The following BAIAP2L2 variants were observed in gnomAD, a reference collection of about 807,000 sequenced individuals.
BAIAP2L2 encodes BAR/IMD domain containing adaptor protein 2 like 2.
A neutral mutation model predicts 60.4 loss-of-function variants in BAIAP2L2; 65 were observed. The ratio of observed to expected loss-of-function variants is 1.08; its 90% CI spans 0.88 to 1.32. The LOEUF (loss-of-function observed/expected upper bound fraction) is 1.32. Ranked by LOEUF, BAIAP2L2 falls within the 40% of genes most tolerant of loss-of-function variation. BAIAP2L2 has a pLI of 0.00. For missense variants in BAIAP2L2, 836 were observed against 741.2 expected, an observed-to-expected ratio of 1.13 and a Z score of -1.48; for synonymous variants, 344 against 301.7, an observed-to-expected ratio of 1.14 and a Z score of -1.45.
chr22:38,096,975 C>T, intron 7 of BAIAP2L2, 57 bp downstream of exon 7: 2 of 1,561,078 alleles, frequency 1.3e-6, no homozygotes, highest in South Asian at 2.3e-5. Flanking sequence ...TGTACGGCCA[C>T]TCAGGAGGGG....
At chr22:38,102,762 G>T (rs1043051163) in intron 4 of BAIAP2L2, among the ~76,000 whole-genome samples, 2 of 152,018 alleles carry the variant, frequency 1.3e-5, no homozygotes, top group Admixed American at 6.6e-5. Context: ...AGGCACGGCC[G>T]GGTGCGGTGG....
At chr22:38,109,083 G>GGGGCCA in intron 2 of BAIAP2L2, 50 bp downstream of exon 2, 1 of 1,209,620 alleles carries the variant, frequency 8.3e-7, no homozygotes, top group Non-Finnish European at 1.1e-6. Context: ...GGGTGGGTGG[G>GGGGCCA]AACAGCAGAG....
chr22:38,095,522 G>T (rs1325449198), intron 7 of BAIAP2L2, among the ~76,000 whole-genome samples: 1 of 152,012 alleles, frequency 6.6e-6, no homozygotes, highest in Non-Finnish European at 1.5e-5. Flanking sequence ...CTGCCACCAC[G>T]CCCAGCTAAT....
Position 38,089,554 on chromosome 22 carries a change from A to AG in BAIAP2L2, c.732dup (p.Ser245LeufsTer188), listed in dbSNP as rs1235469062. On this transcript the variant is annotated frameshift_variant, in exon 8 of 14. Coordinates refer to ENST00000381669, the MANE Select transcript of BAIAP2L2 (RefSeq NM_025045.6). LOFTEE classifies it high-confidence loss of function. The stretch of plus-strand genomic sequence containing the variant: ...AGGCAGGTGGGCGTCAGGCGGCCCG[A>AG]GGGGTAGGGCGGCCCCAGCGCGGGG... 10 of 1,224,498 alleles carry AG rather than the reference A, an allele frequency of 8.2e-6. No individual in the cohort carries two copies. The highest frequency in any genetic ancestry group is 1.0e-5 in the Non-Finnish European group (10 of 984,828). 75.9% of individuals were successfully genotyped at this position (1,224,498 alleles called of 1,614,324 possible).
intron 7 of BAIAP2L2, among the ~76,000 whole-genome samples, chr22:38,094,225 G>C (rs559446755): frequency 3.9e-5 from 6 of 152,160 alleles, no homozygotes; most frequent in African/African-American, 1.4e-4. Flanking sequence ...TTTCGCTCTT[G>C]TCCAGGCCGG....
At chr22:38,109,653 C>T (rs920133092) in intron 1 of BAIAP2L2, among the ~76,000 whole-genome samples, 6 of 152,070 alleles carry the variant, frequency 3.9e-5, no homozygotes, top group Non-Finnish European at 7.4e-5. Context: ...CAGCTCTCGC[C>T]CTCCTCCGAG....
chr22:38,085,381 G>A lies in BAIAP2L2; in HGVS notation c.1515-6C>T, dbSNP rs770463205. The A allele has an allele frequency of 9.3e-6, 15 of 1,613,000 alleles. No homozygotes were observed. The East Asian group carries it at 2.7e-4, about 29-fold the overall frequency. On this transcript the variant is annotated splice_region_variant and splice_polypyrimidine_tract_variant and intron_variant, in intron 13 of 13. Coordinates refer to ENST00000381669, the MANE Select transcript of BAIAP2L2 (RefSeq NM_025045.6). ...TGGCAAAAGGATTTGTGCCCCTGTA[G>A]GAGGAGAGAGAGAATGGGGTGAGAA...
chr22:38,097,298 AC>A, intron 6 of BAIAP2L2, 120 bp from the exon 7 acceptor site: 3 of 1,038,516 alleles, frequency 2.9e-6, no homozygotes, highest in Non-Finnish European at 4.1e-6. Flanking sequence ...CCCCAAGCCC[AC>A]CCCCCATCAC....
intron 1 of BAIAP2L2, 112 bp downstream of exon 1, chr22:38,110,362 TC>T (rs1214686461): frequency 3.5e-6 from 4 of 1,136,698 alleles, no homozygotes; most frequent in Non-Finnish European, 5.1e-6. Flanking sequence ...GCTCCAGGCT[TC>T]CCTTTCCAGG....
upstream of BAIAP2L2, chr22:38,110,803 C>T: frequency 6.3e-6 from 3 of 478,144 alleles, no homozygotes; most frequent in Non-Finnish European, 1.1e-5. Flanking sequence ...TTATTCACCC[C>T]TTGGAGCTGT....
intron 11 of BAIAP2L2, 96 bp from the exon 12 acceptor site, chr22:38,086,545 GACAGC>G (rs1483094434): frequency 1.1e-6 from 1 of 921,280 alleles, no homozygotes; most frequent in Non-Finnish European, 1.6e-6. Flanking sequence ...GGAGGCATCC[GACAGC>G]TTCCTCCCCG....
chr22:38,104,365 G>A (rs529373948), intron 4 of BAIAP2L2, among the ~76,000 whole-genome samples: 18 of 152,290 alleles, frequency 1.2e-4, no homozygotes, highest in African/African-American at 4.1e-4. Context: ...GAACATACTA[G>A]GAGAGCATCC....
At chr22:38,089,069 C>T in intron 9 of BAIAP2L2, 27 bp downstream of exon 9, 2 of 1,380,644 alleles carry the variant, frequency 1.4e-6, no homozygotes, top group Non-Finnish European at 1.9e-6. Context: ...CCCGGCCCTC[C>T]TGCCGCCCCG....
At chr22:38,089,034 G>T in intron 9 of BAIAP2L2, 62 bp downstream of exon 9, 1 of 1,415,652 alleles carries the variant, frequency 7.1e-7, no homozygotes, top group Non-Finnish European at 9.2e-7. Flanking sequence ...GATCCCTCCT[G>T]CTGCAGCCCC....
chr22:38,085,232 C>A lies in BAIAP2L2; in HGVS notation c.*68G>T. The A allele has an allele frequency of 6.6e-7, 1 of 1,514,976 alleles. No individual in the cohort carries two copies. Among genetic ancestry groups the A allele is most frequent in the South Asian group, 1.2e-5 (1 of 86,804 alleles). 93.8% of individuals were successfully genotyped at this position (1,514,976 alleles called of 1,614,324 possible). On this transcript the variant is annotated 3_prime_UTR_variant, in exon 14 of 14. Transcript: ENST00000381669. The stretch of plus-strand genomic sequence containing the variant: ...TTGGATCTGCTGCTGTTGCTGCTGT[C>A]GCTGCCATTGCCAGCTCTGAACAGC...
rs1017393931 is a variant in BAIAP2L2, at chr22:38,097,020, A to C, written c.612+12T>G. ...AGAAGCGCCCCGCTTGCTGCCCCCCAGTCCAACTCACCCGGCCGAAGAACT... is the reference window on the plus strand; with the variant it reads ...AGAAGCGCCCCGCTTGCTGCCCCCCCGTCCAACTCACCCGGCCGAAGAACT... On this transcript the variant is annotated intron_variant, in intron 7 of 13. Coordinates refer to ENST00000381669, the MANE Select transcript of BAIAP2L2 (RefSeq NM_025045.6). 1 of 1,606,380 alleles carries C rather than the reference A, an allele frequency of 6.2e-7. No homozygotes were observed.
chr22:38,110,701 A>G (rs2086827612), upstream of BAIAP2L2: 14 of 574,094 alleles, frequency 2.4e-5, no homozygotes, highest in South Asian at 2.8e-4. Context: ...ATTATTCACC[A>G]ACTCGGGATG....
rs749042976 is a variant in BAIAP2L2 at position 38,086,469 on chromosome 22, G to A, written c.1260-20C>T. 5 of 1,478,382 alleles carry A rather than the reference G, an allele frequency of 3.4e-6. No individual in the cohort carries two copies. In the South Asian group the frequency reaches 6.8e-5, roughly 20 times the overall value. 91.6% of individuals were successfully genotyped at this position (1,478,382 alleles called of 1,614,324 possible). A position where few individuals can be genotyped will look rare whatever the true frequency, so the allele number is the denominator to read the frequency against. ...TAGGACCTAAGTCCAGAGAAAGGAG[G>A]GGGAAGGAAAGGGGTTGGGGCCTGT... On this transcript the variant is annotated intron_variant, in intron 11 of 13. Coordinates refer to ENST00000381669, the MANE Select transcript of BAIAP2L2 (RefSeq NM_025045.6).
rs188066440 is a variant in BAIAP2L2 at position 38,095,107 on chromosome 22, C to T, written c.612+1925G>A. On this transcript the variant is annotated intron_variant, in intron 7 of 13. Transcript: ENST00000381669. The stretch of plus-strand genomic sequence containing the variant: ...TGGAGGTTGCAGGGAGCTGAGATTG[C>T]GCCACTGCACTCCAGCCTGGGCAAC... Among the ~76,000 whole-genome samples the T allele has an allele frequency of 7.5e-3, 1,138 of 152,166 alleles. 9 individuals are homozygous for T. The highest frequency in any genetic ancestry group is 0.025 in the African/African-American group (1,049 of 41,494).
Sources: gnomAD v4.1 joint callset for allele counts (sites outside exome capture counted in the v4.1 genomes callset) on GRCh38, gnomAD v4.1.1 for gene constraint, MANE v1.5 for transcripts, NCBI Gene and HGNC (gene_info 2026-07-23, HGNC 2026-07-21) for gene names.